The following NPHP4 variants were observed in gnomAD, a reference collection of about 807,000 sequenced individuals.
NPHP4 encodes the protein nephrocystin 4.
Under a neutral mutation model 155.8 loss-of-function variants are expected in NPHP4, and 151 were observed. That is an observed-to-expected ratio of 0.97 (90% confidence interval 0.85 to 1.11). The LOEUF (loss-of-function observed/expected upper bound fraction) is 1.11. NPHP4 is among the 50% of genes least tolerant of loss of function. NPHP4 has a pLI of 0.00. For missense variants in NPHP4, 1,956 were observed against 1,925.7 expected, an observed-to-expected ratio of 1.02 and a Z score of -0.29; for synonymous variants, 845 against 816.8, an observed-to-expected ratio of 1.03 and a Z score of -0.59.
In NPHP4 at chr1:5,882,465, TTC is replaced by T. The variant is rs1297002198; in HGVS notation, c.2486-2228_2486-2227del. On this transcript the variant is annotated intron_variant, in intron 18 of 29. Transcript: ENST00000378156. This position sits in a 1 kb window ranked among gnomAD's most constrained non-coding sequence, Gnocchi z 5.1. ...GCTGACACCCCCCGCCTCTTGTTCT[TTC>T]TCCTTGACCTCGACGTCAGCACCAT... 6.5e-6 allele frequency: 1 copy of T among 153,146 alleles called. No individual in the cohort carries two copies. Among genetic ancestry groups the T allele is most frequent in the African/African-American group, 2.4e-5 (1 of 41,462 alleles). The allele number at this position is 153,146 out of a possible 1,614,324, so 9.5% of individuals were successfully genotyped here.
chr1:5,952,883 C>T (rs1219811312), intron 6 of NPHP4, 47 bp from the exon 7 acceptor site: 13 of 1,536,470 alleles, frequency 8.5e-6, no homozygotes, highest in Non-Finnish European at 9.7e-6. Context: ...GAATAAAACA[C>T]CCACTGGCAG....
intron 5 of NPHP4, among the ~76,000 whole-genome samples, chr1:5,966,703 G>C (rs949595768): frequency 1.6e-4 from 24 of 152,176 alleles, no homozygotes; most frequent in African/African-American, 5.8e-4. Context: ...TGCTAGGCAA[G>C]CACAGCCTCT....
chr1:5,981,211 C>T (rs1226614850), intron 2 of NPHP4, among the ~76,000 whole-genome samples: 2 of 152,130 alleles, frequency 1.3e-5, no homozygotes, highest in Non-Finnish European at 2.9e-5. Context: ...GGCAGGATCC[C>T]GTGGCTCCCA....
At chr1:5,941,230 G>C (rs141347950) in intron 9 of NPHP4, among the ~76,000 whole-genome samples, 2 of 141,268 alleles carry the variant, frequency 1.4e-5, no homozygotes, top group Non-Finnish European at 3.0e-5. Context: ...GGGACCAGAT[G>C]GCCACTGGGA....
chr1:5,967,644 T>C (rs930742547), intron 4 of NPHP4, among the ~76,000 whole-genome samples: 5 of 152,192 alleles, frequency 3.3e-5, no homozygotes, highest in African/African-American at 7.2e-5. Context: ...AACTCTGAAA[T>C]GTCTCAAGAC....
chr1:5,872,584 G>C (rs1025306761), intron 23 of NPHP4, among the ~76,000 whole-genome samples: 1 of 152,230 alleles, frequency 6.6e-6, no homozygotes, highest in African/African-American at 2.4e-5. Context: ...CAGAGGGCCA[G>C]GCTGCAACCA....
chr1:5,987,127 T>C (rs1222383247), intron 1 of NPHP4, among the ~76,000 whole-genome samples: 1 of 152,050 alleles, frequency 6.6e-6, no homozygotes, highest in Admixed American at 6.6e-5. Context: ...ACAAAGTCTC[T>C]TGTTGCTAAA....
At position 5,867,693 on chromosome 1, in the gene NPHP4, C is replaced by G. The variant is rs763040150; in HGVS notation, c.3472+47G>C. On this transcript the variant is annotated intron_variant, in intron 24 of 29. Coordinates refer to ENST00000378156, the MANE Select transcript of NPHP4 (RefSeq NM_015102.5). The surrounding 1 kb of genome is among the most constrained non-coding windows in gnomAD (Gnocchi z 4.1). ...ACCCTCAAGAGGTATCTACTTCCAA[C>G]AGGTGAGCCTGCAACATGTGGGCTG... 1 of 1,593,800 alleles carries G rather than the reference C, an allele frequency of 6.3e-7. No individual in the cohort carries two copies. Among genetic ancestry groups the G allele is most frequent in the Non-Finnish European group, 8.5e-7 (1 of 1,172,228 alleles).
At chr1:5,878,239 TG>T (rs1344104866) in intron 19 of NPHP4, among the ~76,000 whole-genome samples, 1 of 152,176 alleles carries the variant, frequency 6.6e-6, no homozygotes, top group Non-Finnish European at 1.5e-5. Context: ...CTCCACACAG[TG>T]GACAGCAACG....
At chr1:5,934,465 C>T (rs991981043) in intron 9 of NPHP4, among the ~76,000 whole-genome samples, 1 of 152,124 alleles carries the variant, frequency 6.6e-6, no homozygotes, top group African/African-American at 2.4e-5. Context: ...GAGAAACAAC[C>T]CCCAAGCAGG....
At chr1:5,918,063 T>G (rs1037165596) in intron 11 of NPHP4, among the ~76,000 whole-genome samples, 7 of 152,192 alleles carry the variant, frequency 4.6e-5, no homozygotes, top group Admixed American at 1.3e-4. Flanking sequence ...TGGAGATTAT[T>G]TGTTACCATA....
At chr1:5,900,423 A>G (rs1419882596) in intron 16 of NPHP4, among the ~76,000 whole-genome samples, 2 of 152,210 alleles carry the variant, frequency 1.3e-5, no homozygotes, top group Non-Finnish European at 2.9e-5. Flanking sequence ...TGGAGGAACT[A>G]AATGCACAGT....
At chr1:5,926,556 A>G (rs950160221) in intron 11 of NPHP4, among the ~76,000 whole-genome samples, 7 of 152,124 alleles carry the variant, frequency 4.6e-5, no homozygotes, top group Non-Finnish European at 1.0e-4. Context: ...TAGCATTTGC[A>G]CTGTATTAGG....
intron 15 of NPHP4, among the ~76,000 whole-genome samples, 160 bp from the exon 16 acceptor site, chr1:5,904,964 A>G (rs1385634087): frequency 6.6e-6 from 1 of 152,190 alleles, no homozygotes; most frequent in African/African-American, 2.4e-5. Flanking sequence ...CTGTGCTCTC[A>G]GCAAGCCGGC....
At chr1:5,872,771 T>G (rs916333227) in intron 23 of NPHP4, among the ~76,000 whole-genome samples, 2 of 152,230 alleles carry the variant, frequency 1.3e-5, no homozygotes, top group African/African-American at 4.8e-5. Flanking sequence ...GAAACTGCCA[T>G]AAAGCAGCAG....
At chr1:5,931,758 A>G (rs1477205931) in intron 10 of NPHP4, among the ~76,000 whole-genome samples, 2 of 126,154 alleles carry the variant, frequency 1.6e-5, no homozygotes, top group Non-Finnish European at 1.7e-5. Context: ...AAAAAAAAAA[A>G]CTTTCTTGCT....
chr1:5,863,955 G>A lies in NPHP4; in HGVS notation c.4075C>T (p.Arg1359Trp), dbSNP rs369162678. Residue 1359 changes from arginine to tryptophan, a missense_variant, in exon 29 of 30, where the codon CGG (arginine) becomes TGG (tryptophan). Physicochemically the swap from Arg to Trp is moderately radical, Grantham distance 101. Transcript: ENST00000378156. ...RITYTNPYPS[R>W]RTFHLHSDHP... The stretch of plus-strand genomic sequence containing the variant: ...TCGCTGTGCAGGTGGAATGTCCTCC[G>A]GGAGGGGTAGGGGTTGGTGTAGGTG... The A allele has an allele frequency of 1.7e-4, 281 of 1,613,822 alleles. 2 individuals are homozygous for A. Among genetic ancestry groups the A allele is most frequent in the South Asian group, 6.9e-4 (63 of 91,066 alleles).
chr1:5,917,044 G>A (rs960331388), intron 11 of NPHP4, among the ~76,000 whole-genome samples: 25 of 152,180 alleles, frequency 1.6e-4, no homozygotes, highest in African/African-American at 4.6e-4. Flanking sequence ...GACTGGGATC[G>A]GGAGACCAGG....
intron 3 of NPHP4, among the ~76,000 whole-genome samples, chr1:5,976,639 C>A (rs1256408321): frequency 6.6e-6 from 1 of 152,208 alleles, no homozygotes; most frequent in Non-Finnish European, 1.5e-5. Context: ...GAGGTATTTG[C>A]ATTAGCTGTT....
Sources: allele counts gnomAD v4.1 joint callset (sites outside exome capture counted in the v4.1 genomes callset), GRCh38; gene constraint gnomAD v4.1.1; non-coding constraint Gnocchi (gnomAD v3.1); transcripts MANE v1.5; gene names NCBI Gene and HGNC (gene_info 2026-07-23, HGNC 2026-07-21).